C5: variants seen among roughly 807,000 people sequenced by gnomAD.
The protein encoded by C5 is C3 and PZP-like alpha-2-macroglobulin domain-containing protein 4.
C5 carries 140 observed loss-of-function variants against 218.8 expected under a neutral mutation model. The ratio of observed to expected loss-of-function variants is 0.64; its 90% CI spans 0.56 to 0.74. The LOEUF (loss-of-function observed/expected upper bound fraction) is 0.74, where lower values mean the gene tolerates loss of function less well. Among genes scored for constraint, C5 ranks in the 30% least tolerant of loss-of-function variants. The pLI is 0.00. For synonymous variants in C5, 614 were observed against 682.3 expected (o/e 0.90, Z 1.56); for missense variants, 1,700 against 1,969.6 (o/e 0.86, Z 2.59).
At chr9:121,024,273 A>G (rs1194204287) in intron 9 of C5, among the ~76,000 whole-genome samples, 2 of 242 alleles carry the variant, frequency 8.3e-3, no homozygotes, top group Admixed American at 0.038. Flanking sequence ...GGGAGGGGGG[A>G]GGGGGAGGGG....
chr9:121,017,718 T>C lies in C5; in HGVS notation c.1641A>G (p.Thr547=). The C allele has an allele frequency of 6.2e-7, 1 of 1,613,512 alleles. No individual in the cohort carries two copies. The highest frequency in any genetic ancestry group is 8.5e-7 in the Non-Finnish European group (1 of 1,179,510). Residue 547 remains threonine, a synonymous_variant, in exon 13 of 41, where the codon ACA becomes ACG. Coordinates refer to ENST00000223642, the MANE Select transcript of C5 (RefSeq NM_001735.3). The part of the protein sequence containing the change: ...SSRLLVYYIV[T]GEQTAELVSD... ...ACACTAATTCTGCTGTCTGTTCTCC[T>C]GTGACGATGTAATAGACCAGAAGTC...
the C5 span, among the ~76,000 whole-genome samples, chr9:121,061,323 T>G: frequency 6.6e-6 from 1 of 152,192 alleles, no homozygotes; most frequent in Non-Finnish European, 1.5e-5. Context: ...TGTTAAGGTA[T>G]TAAAATATAA....
chr9:121,070,399 A>G, the C5 span, among the ~76,000 whole-genome samples: 1 of 51,402 alleles, frequency 1.9e-5, no homozygotes, highest in African/African-American at 4.3e-5. Context: ...ATATATATAT[A>G]TATATATATA....
intron 30 of C5, among the ~76,000 whole-genome samples, chr9:120,972,996 C>T (rs998665071): frequency 5.9e-5 from 9 of 152,162 alleles, no homozygotes; most frequent in African/African-American, 2.2e-4. Context: ...CCTTTTCACA[C>T]CCAGAGTCAC....
At chr9:121,033,091 T>C (rs201197916) in intron 5 of C5, among the ~76,000 whole-genome samples, 2 of 147,770 alleles carry the variant, frequency 1.4e-5, no homozygotes, top group Admixed American at 6.8e-5. Flanking sequence ...CACACACACA[T>C]ATATATACTG....
chr9:121,027,680 T>C (rs2131789834), intron 7 of C5, among the ~76,000 whole-genome samples: 1 of 152,294 alleles, frequency 6.6e-6, no homozygotes, highest in Non-Finnish European at 1.5e-5. Flanking sequence ...TTATATCTTA[T>C]ACAAAAATTA....
chr9:120,983,501 C>T (rs1183901105), intron 25 of C5, among the ~76,000 whole-genome samples: 1 of 152,184 alleles, frequency 6.6e-6, no homozygotes, highest in Non-Finnish European at 1.5e-5. Flanking sequence ...CTTGCTCTCC[C>T]ACTTCCCCCA....
At chr9:120,964,648 G>A (rs2046852953) in intron 33 of C5, among the ~76,000 whole-genome samples, 1 of 152,138 alleles carries the variant, frequency 6.6e-6, no homozygotes, top group Admixed American at 6.5e-5. Flanking sequence ...CTGCTAGTAG[G>A]AATTTAAGCG....
chr9:121,071,209 A>G, the C5 span, among the ~76,000 whole-genome samples: 1 of 152,116 alleles, frequency 6.6e-6, no homozygotes, highest in African/African-American at 2.4e-5. Context: ...AATCACAGCT[A>G]CTGGGGAGGC....
chr9:121,017,629 A>G lies in C5; in HGVS notation c.1716+14T>C, dbSNP rs761037183. 6.2e-7 allele frequency: 1 copy of G among 1,611,402 alleles called. No homozygotes were observed. The highest frequency in any genetic ancestry group is 1.1e-5 in the South Asian group (1 of 90,994). ...AAAAGAAAATTCAATTGTGACTTAT[A>G]ATTTGTGGCTTACCTGGAGCTGGTT... On this transcript the variant is annotated intron_variant, in intron 13 of 40. Coordinates refer to ENST00000223642, the MANE Select transcript of C5 (RefSeq NM_001735.3).
chr9:120,952,443 G>C lies in C5; in HGVS notation c.*296C>G. ...TCCCTTTCAATGGACTGTTCTTTCG[G>C]CCCCAGCAAACATTCCTGAGTGGTA... On this transcript the variant is annotated 3_prime_UTR_variant, in exon 41 of 41. Transcript: ENST00000223642. 1 of 354,610 alleles carries C rather than the reference G, an allele frequency of 2.8e-6. No homozygotes were observed. Among genetic ancestry groups the C allele is most frequent in the East Asian group, 6.9e-5 (1 of 14,516 alleles). The allele number at this position is 354,610 out of a possible 1,614,324, so 22.0% of individuals were successfully genotyped here. A position where few individuals can be genotyped will look rare whatever the true frequency, so the allele number is the denominator to read the frequency against.
intron 3 of C5, among the ~76,000 whole-genome samples, chr9:121,040,599 T>C (rs2047569168): frequency 1.3e-5 from 2 of 152,228 alleles, no homozygotes; most frequent in Non-Finnish European, 2.9e-5. Context: ...ATTCCATAGA[T>C]AATAATGGAA....
rs749117749 is a variant in C5 at position 120,967,365 on chromosome 9, G to T, written c.4220+1696C>A. Among the ~76,000 whole-genome samples, 25 of 152,046 alleles carry T rather than the reference G, an allele frequency of 1.6e-4. No homozygotes were observed. In the South Asian group the frequency reaches 3.8e-3, roughly 23 times the overall value. On this transcript the variant is annotated intron_variant, in intron 33 of 40. Coordinates refer to ENST00000223642, the MANE Select transcript of C5 (RefSeq NM_001735.3). ...CTAACTCTGTGAGCATTTGGCAGGC[G>T]ACTTTATCTCTTTGGGTCTTAGTTT...
At chr9:120,993,195 GC>G (rs1265685773) in intron 22 of C5, among the ~76,000 whole-genome samples, 1 of 152,168 alleles carries the variant, frequency 6.6e-6, no homozygotes, top group Non-Finnish European at 1.5e-5. Context: ...CTCGTGCACT[GC>G]TAATGGAAGT....
intron 17 of C5, among the ~76,000 whole-genome samples, chr9:121,012,764 T>G (rs1424613180): frequency 6.6e-6 from 1 of 152,214 alleles, no homozygotes; most frequent in Non-Finnish European, 1.5e-5. Flanking sequence ...AGATCTAGAC[T>G]ATATAGTATA....
At chr9:121,033,726 A>G (rs2047498149) in intron 5 of C5, among the ~76,000 whole-genome samples, 1 of 152,260 alleles carries the variant, frequency 6.6e-6, no homozygotes, top group South Asian at 2.1e-4. Context: ...AAATTTTTAG[A>G]AAAATTTCAG....
At chr9:121,024,714 T>C (rs2047404621) in intron 9 of C5, among the ~76,000 whole-genome samples, 1 of 152,190 alleles carries the variant, frequency 6.6e-6, no homozygotes, top group South Asian at 2.1e-4. Flanking sequence ...AACAATCATC[T>C]AGAAGCTCAC....
At chr9:121,019,156 C>T (rs1328314472) in intron 12 of C5, among the ~76,000 whole-genome samples, 3 of 151,650 alleles carry the variant, frequency 2.0e-5, no homozygotes, top group African/African-American at 4.8e-5. Context: ...AAAAAAATCA[C>T]GTGAAGCCAA....
At chr9:121,024,108 T>G (rs900672569) in intron 9 of C5, among the ~76,000 whole-genome samples, 43 of 145,470 alleles carry the variant, frequency 3.0e-4, no homozygotes, top group African/African-American at 9.7e-4. Flanking sequence ...TAATCTCAGC[T>G]ACTCGGGAGG....
Sources: gnomAD v4.1 joint callset for allele counts (sites outside exome capture counted in the v4.1 genomes callset) on GRCh38, gnomAD v4.1.1 for gene constraint, MANE v1.5 for transcripts, NCBI Gene and HGNC (gene_info 2026-07-23, HGNC 2026-07-21) for gene names.